Variants in FEZ1 observed in about 807,000 individuals in gnomAD.
FEZ1 encodes fasciculation and elongation protein zeta-1.
FEZ1 carries 20 observed loss-of-function variants against 49.3 expected under a neutral mutation model. The ratio of observed to expected loss-of-function variants is 0.41; its 90% confidence interval spans 0.29 to 0.59. The LOEUF (loss-of-function observed/expected upper bound fraction) is 0.59, where lower values mean the gene tolerates loss of function less well. Among genes scored for constraint, FEZ1 ranks in the 20% least tolerant of loss-of-function variants. The probability of loss-of-function intolerance (pLI) is 0.36; values close to 1 mark genes in which losing one functional copy is unlikely to be tolerated. For missense variants in FEZ1, 413 were observed against 476.0 expected, an observed-to-expected ratio of 0.87 and a Z score of 1.23; for synonymous variants, 170 against 180.9, an observed-to-expected ratio of 0.94 and a Z score of 0.48.
intron 8 of FEZ1, 85 bp downstream of exon 8, chr11:125,452,249 C>T (rs1956964436): frequency 7.7e-6 from 7 of 913,278 alleles, no homozygotes; most frequent in Non-Finnish European, 1.3e-5. Context: ...TGAGGAGTCT[C>T]GGGCCTGCGG....
chr11:125,493,248 C>T (rs1427030900), intron 1 of FEZ1, among the ~76,000 whole-genome samples: 3 of 151,026 alleles, frequency 2.0e-5, no homozygotes, highest in Non-Finnish European at 4.4e-5. Context: ...GCAGGAGAAT[C>T]GCTTGAGCCC....
intron 1 of FEZ1, among the ~76,000 whole-genome samples, chr11:125,493,526 GAA>G (rs1417466836): frequency 6.7e-6 from 1 of 150,136 alleles, no homozygotes; most frequent in Non-Finnish European, 1.5e-5. Context: ...AAGAAAGAAA[GAA>G]AGAAAGAAAG....
At chr11:125,467,482 G>A (rs1957141715) in intron 3 of FEZ1, among the ~76,000 whole-genome samples, 1 of 152,256 alleles carries the variant, frequency 6.6e-6, no homozygotes, top group Non-Finnish European at 1.5e-5. Flanking sequence ...TTGAAAAAGA[G>A]AGGACTGAGA....
At chr11:125,477,972 G>A (rs775517905) in intron 3 of FEZ1, among the ~76,000 whole-genome samples, 7 of 152,160 alleles carry the variant, frequency 4.6e-5, no homozygotes, top group Non-Finnish European at 7.3e-5. Flanking sequence ...CACTTACAGT[G>A]CATTACTTTC....
At chr11:125,458,359 T>G (rs1207846284) in intron 5 of FEZ1, among the ~76,000 whole-genome samples, 1 of 152,212 alleles carries the variant, frequency 6.6e-6, no homozygotes, top group Non-Finnish European at 1.5e-5. Flanking sequence ...GCCTTTGCTG[T>G]GTTACACTTT....
chr11:125,482,056 A>G (rs1957285470), intron 2 of FEZ1, among the ~76,000 whole-genome samples: 2 of 152,166 alleles, frequency 1.3e-5, no homozygotes, highest in Non-Finnish European at 2.9e-5. Context: ...AGAGAGAGAG[A>G]GAGGAACACA....
intron 1 of FEZ1, among the ~76,000 whole-genome samples, chr11:125,492,057 A>G (rs1174738825): frequency 6.6e-6 from 1 of 152,246 alleles, no homozygotes; most frequent in Non-Finnish European, 1.5e-5. Flanking sequence ...TGTTTATTTA[A>G]TCCAATATAT....
chr11:125,481,409 A>G (rs931305609), intron 3 of FEZ1, 125 bp downstream of exon 3: 2 of 762,462 alleles, frequency 2.6e-6, no homozygotes, highest in Non-Finnish European at 4.8e-6. Context: ...TCGGTCTCCC[A>G]AAGCTGAGAT....
chr11:125,462,538 G>A (rs548580353), intron 4 of FEZ1, among the ~76,000 whole-genome samples: 12 of 152,242 alleles, frequency 7.9e-5, no homozygotes, highest in African/African-American at 1.9e-4. Context: ...CGAGTACAAC[G>A]AATTTCAATA....
chr11:125,460,224 ATAG>A (rs1957060858), intron 5 of FEZ1: 1 of 322,522 alleles, frequency 3.1e-6, no homozygotes, highest in Non-Finnish European at 5.6e-6. Context: ...TTGCTTTTAT[ATAG>A]TAGTTCAGAT....
At chr11:125,446,394 A>G (rs538488845) in intron 9 of FEZ1, among the ~76,000 whole-genome samples, 23 of 152,326 alleles carry the variant, frequency 1.5e-4, no homozygotes, top group African/African-American at 2.9e-4. Flanking sequence ...TTCTTCATCA[A>G]TACAATAGAA....
At chr11:125,464,897 G>A (rs1000393628) in intron 3 of FEZ1, among the ~76,000 whole-genome samples, 4 of 152,108 alleles carry the variant, frequency 2.6e-5, no homozygotes, top group Non-Finnish European at 4.4e-5. Flanking sequence ...CACCACCTGC[G>A]ATAGCCTCGT....
intron 2 of FEZ1, among the ~76,000 whole-genome samples, chr11:125,482,997 A>C (rs1239302971): frequency 2.0e-5 from 3 of 150,268 alleles, no homozygotes; most frequent in Non-Finnish European, 4.4e-5. Flanking sequence ...AAAAAAAAAA[A>C]AAAAAAACTA....
intron 2 of FEZ1, among the ~76,000 whole-genome samples, chr11:125,487,359 G>A (rs1260099879): frequency 6.6e-6 from 1 of 152,104 alleles, no homozygotes; most frequent in Admixed American, 6.5e-5. Flanking sequence ...TTTCATAGAT[G>A]AGGACCTACA....
chr11:125,468,340 G>C (rs1957153068), intron 3 of FEZ1, among the ~76,000 whole-genome samples: 1 of 151,852 alleles, frequency 6.6e-6, no homozygotes, highest in South Asian at 2.1e-4. Context: ...ACCACTCATG[G>C]CAAACTTTTT....
intron 3 of FEZ1, among the ~76,000 whole-genome samples, chr11:125,476,197 G>A (rs1957231243): frequency 2.0e-5 from 3 of 152,172 alleles, no homozygotes; most frequent in Admixed American, 2.0e-4. Context: ...TGTGGTGATG[G>A]TTTCGCAGAT....
At chr11:125,448,617 T>C (rs1419146898) in intron 8 of FEZ1, 50 bp from the exon 9 acceptor site, 2 of 1,238,302 alleles carry the variant, frequency 1.6e-6, no homozygotes, top group Non-Finnish European at 1.2e-6. Context: ...GGTCAGAGGT[T>C]CACTTCTAGG....
chr11:125,458,082 G>A lies in FEZ1; in HGVS notation c.668-1976C>T, dbSNP rs142371463. 1.0e-3 allele frequency among the ~76,000 whole-genome samples: 154 copies of A among 152,324 alleles called. 1 individual carries two copies. Among genetic ancestry groups the A allele is most frequent in the African/African-American group, 3.6e-3 (150 of 41,564 alleles). On this transcript the variant is annotated intron_variant, in intron 5 of 9. Coordinates refer to ENST00000278919, the MANE Select transcript of FEZ1 (RefSeq NM_005103.5). ...GTCGGGAATGCAGCGAGGCAGCCAA[G>A]TCCAGTTCAGCACCGAGCAGACTCT...
At chr11:125,451,770 C>G (rs1444395917) in intron 8 of FEZ1, among the ~76,000 whole-genome samples, 1 of 152,304 alleles carries the variant, frequency 6.6e-6, no homozygotes, top group East Asian at 1.9e-4. Flanking sequence ...ACTGTTTTCC[C>G]TCATAGTTCA....
Sources: gnomAD v4.1 joint callset for allele counts (sites outside exome capture counted in the v4.1 genomes callset) on GRCh38, gnomAD v4.1.1 for gene constraint, MANE v1.5 for transcripts, NCBI Gene and HGNC (gene_info 2026-07-23, HGNC 2026-07-21) for gene names.